The following ARHGAP19 variants were observed in gnomAD, a reference collection of about 807,000 sequenced individuals.
ARHGAP19 encodes rho GTPase-activating protein 19.
In ARHGAP19, 48 loss-of-function variants were observed where a neutral mutation model predicts 60.9. The ratio of observed to expected loss-of-function variants is 0.79; its 90% CI spans 0.62 to 1.00. ARHGAP19 has a LOEUF of 1.00. Ranked by LOEUF, ARHGAP19 falls within the 50% of genes least tolerant of loss-of-function variation. The pLI is 0.00. For missense variants in ARHGAP19, 562 were observed against 597.2 expected, an observed-to-expected ratio of 0.94 and a Z score of 0.61; for synonymous variants, 209 against 215.5, an observed-to-expected ratio of 0.97 and a Z score of 0.27.
At chr10:97,256,923 C>T (rs2484883) in intron 5 of ARHGAP19, among the ~76,000 whole-genome samples, 138,813 of 151,666 alleles carry the variant, frequency 0.92, 64,591 homozygotes, top group Non-Finnish European at 0.99. Context: ...AGATTGAGAC[C>T]ATCCTGGCTA....
chr10:97,259,184 C>T (rs997569769), intron 5 of ARHGAP19, among the ~76,000 whole-genome samples: 4 of 152,164 alleles, frequency 2.6e-5, no homozygotes, highest in Admixed American at 6.5e-5. Context: ...TAATACAATG[C>T]CATGTAGGTT....
At chr10:97,270,444 C>A (rs1226063973) in intron 1 of ARHGAP19, among the ~76,000 whole-genome samples, 9 of 152,044 alleles carry the variant, frequency 5.9e-5, no homozygotes, top group Non-Finnish European at 1.2e-4. Flanking sequence ...CACAACACCA[C>A]AATATAAAGC....
intron 1 of ARHGAP19, among the ~76,000 whole-genome samples, chr10:97,287,650 G>A (rs1811639078): frequency 6.6e-6 from 1 of 152,126 alleles, no homozygotes; most frequent in Non-Finnish European, 1.5e-5. Context: ...GGCTAAGGTG[G>A]AAGGATTGCT....
chr10:97,233,736 C>T (rs992351826), intron 9 of ARHGAP19, among the ~76,000 whole-genome samples: 4 of 151,742 alleles, frequency 2.6e-5, no homozygotes, highest in African/African-American at 7.3e-5. Context: ...GGCATGGTGG[C>T]GCACGCCTGT....
At chr10:97,256,255 T>A (rs1842751145) in intron 6 of ARHGAP19, 63 bp downstream of exon 6, 1 of 1,299,786 alleles carries the variant, frequency 7.7e-7, no homozygotes, top group Admixed American at 1.7e-5. Flanking sequence ...TAGCCCCACT[T>A]AGGATCCCAC....
rs915668670 is a variant in ARHGAP19, at chr10:97,223,379, T to C, written c.*2743A>G. The C allele has an allele frequency of 6.6e-6, 1 of 152,212 alleles. No homozygotes were observed. Among genetic ancestry groups the C allele is most frequent in the African/African-American group, 2.4e-5 (1 of 41,450 alleles). The allele number at this position is 152,212 out of a possible 1,614,324, so 9.4% of individuals were successfully genotyped here. A position where few individuals can be genotyped will look rare whatever the true frequency, so the allele number is the denominator to read the frequency against. On this transcript the variant is annotated 3_prime_UTR_variant, in exon 12 of 12. Transcript: ENST00000358531. ...TTCACACCAGATTCATTGGTCCCAA[T>C]GCAAAAGTCTATCATTGTAAAAGGT...
At chr10:97,274,094 A>G (rs1455371813) in intron 1 of ARHGAP19, among the ~76,000 whole-genome samples, 1 of 152,204 alleles carries the variant, frequency 6.6e-6, no homozygotes, top group African/African-American at 2.4e-5. Flanking sequence ...TGTAAAGAGA[A>G]GCAGAAATGT....
chr10:97,233,071 C>A (rs1242870843), intron 9 of ARHGAP19, among the ~76,000 whole-genome samples: 2 of 152,034 alleles, frequency 1.3e-5, no homozygotes, highest in African/African-American at 2.4e-5. Flanking sequence ...ATCACTTGAA[C>A]CCTGGAGATG....
chr10:97,286,498 AG>A (rs1415831795), intron 1 of ARHGAP19, among the ~76,000 whole-genome samples: 1 of 152,258 alleles, frequency 6.6e-6, no homozygotes, highest in African/African-American at 2.4e-5. Context: ...AGGCTAAGGC[AG>A]GAGAATTGTT....
intron 10 of ARHGAP19, 47 bp from the exon 11 acceptor site, chr10:97,229,272 C>G: frequency 7.1e-7 from 1 of 1,416,576 alleles, no homozygotes; most frequent in Non-Finnish European, 1.0e-6. Flanking sequence ...TAATGCCATT[C>G]CTATAGACAG....
At chr10:97,239,545 A>AGGTT (rs1564713401) in intron 8 of ARHGAP19, among the ~76,000 whole-genome samples, 17 of 122,262 alleles carry the variant, frequency 1.4e-4, no homozygotes, top group African/African-American at 4.9e-4. Context: ...AGAGAGAGAG[A>AGGTT]GAGAGGGTGT....
chr10:97,256,850 G>T (rs1842759061), intron 5 of ARHGAP19, among the ~76,000 whole-genome samples: 1 of 152,210 alleles, frequency 6.6e-6, no homozygotes. Flanking sequence ...TACCGGGCGT[G>T]GTGGCTCATG....
intron 1 of ARHGAP19, among the ~76,000 whole-genome samples, chr10:97,285,994 T>C (rs563569376): frequency 1.3e-5 from 2 of 152,310 alleles, no homozygotes; most frequent in East Asian, 3.9e-4. Flanking sequence ...TAAAATTCTG[T>C]TTTCTTCCTT....
intron 8 of ARHGAP19, among the ~76,000 whole-genome samples, chr10:97,239,546 GAGA>G (rs1842437738): frequency 1.9e-5 from 2 of 105,970 alleles, no homozygotes; most frequent in South Asian, 3.5e-4. Flanking sequence ...GAGAGAGAGA[GAGA>G]GGGTGTGTGT....
intron 6 of ARHGAP19, among the ~76,000 whole-genome samples, chr10:97,251,176 G>GGAGGGGGAAGA (rs1842642363): frequency 1.0e-5 from 1 of 99,548 alleles, no homozygotes; most frequent in Non-Finnish European, 2.0e-5. Context: ...GAAGGGGAAG[G>GGAGGGGGAAGA]GAAAGGGAAA....
rs958102658 is a variant in ARHGAP19, at chr10:97,224,730, T to A, written c.*1392A>T. 6.6e-6 allele frequency: 1 copy of A among 152,306 alleles called. No homozygotes were observed. Among genetic ancestry groups the A allele is most frequent in the Non-Finnish European group, 1.5e-5 (1 of 68,092 alleles). 9.4% of individuals were successfully genotyped at this position (152,306 alleles called of 1,614,324 possible). A position where few individuals can be genotyped will look rare whatever the true frequency, so the allele number is the denominator to read the frequency against. ...CCAACCCACAGGGTGAGAAGGGTTG[T>A]ACAGCTCCACAGAGCCAGGCACAAA... is the stretch of plus-strand genomic sequence containing the variant. On this transcript the variant is annotated 3_prime_UTR_variant, in exon 12 of 12. Transcript: ENST00000358531.
chr10:97,259,706 C>T, intron 4 of ARHGAP19, 78 bp from the exon 5 acceptor site: 1 of 986,424 alleles, frequency 1.0e-6, no homozygotes, highest in Non-Finnish European at 1.6e-6. Flanking sequence ...ATTATCCTCC[C>T]CTCAACTCCC....
At chr10:97,289,499 T>C (rs553057993) in intron 1 of ARHGAP19, among the ~76,000 whole-genome samples, 1 of 152,064 alleles carries the variant, frequency 6.6e-6, no homozygotes, top group Non-Finnish European at 1.5e-5. Context: ...TGTAATTAAC[T>C]AATACTCTCA....
chr10:97,289,852 TAAA>T (rs11304186), intron 1 of ARHGAP19, among the ~76,000 whole-genome samples: 9 of 124,464 alleles, frequency 7.2e-5, no homozygotes, highest in Admixed American at 2.5e-4. Context: ...AGCCCTGTGT[TAAA>T]AAAAAAAAAA....
Sources: allele counts gnomAD v4.1 joint callset (sites outside exome capture counted in the v4.1 genomes callset), GRCh38; gene constraint gnomAD v4.1.1; transcripts MANE v1.5; gene names NCBI Gene and HGNC (gene_info 2026-07-23, HGNC 2026-07-21).